ENPP1: variants seen among roughly 807,000 people sequenced by gnomAD.
The protein encoded by ENPP1 is ectonucleotide pyrophosphatase/phosphodiesterase 1, also known as ectonucleotide pyrophosphatase/phosphodiesterase family member 1.
ENPP1 carries 73 observed loss-of-function variants against 122.8 expected under a neutral mutation model. The observed-to-expected ratio is 0.59, with a 90% confidence interval of 0.49 to 0.72. ENPP1 has a LOEUF of 0.72. ENPP1 is among the 30% of genes least tolerant of loss of function. ENPP1 has a pLI of 0.00. For missense variants in ENPP1, 978 were observed against 1,128.1 expected (o/e 0.87, Z 1.91); for synonymous variants, 367 against 391.6 (o/e 0.94, Z 0.74).
chr6:131,861,477 T>G, intron 8 of ENPP1, 118 bp from the exon 9 acceptor site: 1 of 730,518 alleles, frequency 1.4e-6, no homozygotes, highest in South Asian at 1.4e-5. Flanking sequence ...CTGAAGCTTG[T>G]TGACCTTAAA....
chr6:131,823,429 T>A (rs1361328242), intron 1 of ENPP1, among the ~76,000 whole-genome samples: 1 of 152,190 alleles, frequency 6.6e-6, no homozygotes, highest in Non-Finnish European at 1.5e-5. Context: ...GCTGCTGTGA[T>A]GGCACTTTGC....
At chr6:131,827,087 C>T in intron 1 of ENPP1, 1 of 655,898 alleles carries the variant, frequency 1.5e-6, no homozygotes, top group South Asian at 1.5e-5. Context: ...CCAGGCTTAG[C>T]ACCTCCATTT....
rs752476704 is a variant in ENPP1 at position 131,847,803 on chromosome 6, A to G, written c.268A>G (p.Ile90Val). The G allele has an allele frequency of 6.2e-7, 1 of 1,612,394 alleles. No individual in the cohort carries two copies. Among genetic ancestry groups the G allele is most frequent in the Admixed American group, 1.7e-5 (1 of 60,004 alleles). The stretch of plus-strand genomic sequence containing the variant: ...ATTGTCAGTATGTGTGTTAACAACA[A>G]TACTTGGTTGTATATTTGGGTTGAA... ...LVLSVCVLTTILGCIFGLKPS... is the reference protein window; with the variant it reads ...LVLSVCVLTTVLGCIFGLKPS... The change falls in exon 2 of 25, where the codon ATA (isoleucine) becomes GTA (valine). Residue 90 changes from isoleucine (I) to valine (V), a missense_variant. This residue lies in a region of ENPP1 where 330 missense variants were observed against 328.5 expected (regional missense o/e 1.00). Coordinates refer to ENST00000647893, the MANE Select transcript of ENPP1 (RefSeq NM_006208.3).
chr6:131,820,566 T>C (rs937681551), intron 1 of ENPP1: 1 of 152,200 alleles, frequency 6.6e-6, no homozygotes, highest in Non-Finnish European at 1.5e-5. Flanking sequence ...CCAAACAAAC[T>C]CTCAAGAACT....
chr6:131,842,677 C>T (rs1052155250), intron 1 of ENPP1, among the ~76,000 whole-genome samples: 18 of 152,110 alleles, frequency 1.2e-4, no homozygotes, highest in Non-Finnish European at 1.3e-4. Flanking sequence ...CATGTTTCTA[C>T]TGAAGTCCAT....
At chr6:131,828,302 TC>T (rs1781570968) in intron 1 of ENPP1, 2 of 522,018 alleles carry the variant, frequency 3.8e-6, no homozygotes. Flanking sequence ...AGCCAGCATG[TC>T]CACATGATCA....
Position 131,858,664 on chromosome 6 carries a change from C to G in ENPP1, c.716-4C>G. ...ATAACAATGTTTATTTTTTTCCCTT[C>G]TAGAAAAATGTGGAACATATACTAA... On this transcript the variant is annotated splice_polypyrimidine_tract_variant and splice_region_variant and intron_variant, in intron 6 of 24. Coordinates refer to ENST00000647893, the MANE Select transcript of ENPP1 (RefSeq NM_006208.3). The G allele has an allele frequency of 6.3e-7, 1 of 1,588,022 alleles. No homozygotes were observed. Among genetic ancestry groups the G allele is most frequent in the Non-Finnish European group, 8.6e-7 (1 of 1,157,054 alleles).
At chr6:131,885,884 G>A (rs182150871) in intron 23 of ENPP1, among the ~76,000 whole-genome samples, 3 of 152,134 alleles carry the variant, frequency 2.0e-5, no homozygotes, top group Admixed American at 1.3e-4. Context: ...TCCTACCCAC[G>A]GCTTCACCCA....
Position 131,821,160 on chromosome 6 carries a change from A to G in ENPP1, c.240+12885A>G, listed in dbSNP as rs1255671278. ...TAAGAAATGCAGAATCTTGGGCCCCACCCCAGACCTACTAAACCAAGATCT... is the reference window on the plus strand; with the variant it reads ...TAAGAAATGCAGAATCTTGGGCCCCGCCCCAGACCTACTAAACCAAGATCT... On this transcript the variant is annotated intron_variant, in intron 1 of 24. Transcript: ENST00000647893. Among the ~76,000 whole-genome samples, 3 of 152,090 alleles carry G rather than the reference A, an allele frequency of 2.0e-5. No individual in the cohort carries two copies. The East Asian group carries it at 5.8e-4, about 29-fold the overall frequency.
At chr6:131,854,675 A>G (rs565121976) in intron 5 of ENPP1, among the ~76,000 whole-genome samples, 40 of 152,282 alleles carry the variant, frequency 2.6e-4, no homozygotes, top group African/African-American at 8.9e-4. Flanking sequence ...TCAAAATGAT[A>G]TGAATGCTTA....
chr6:131,822,989 C>A (rs894360648), intron 1 of ENPP1, among the ~76,000 whole-genome samples: 1 of 152,126 alleles, frequency 6.6e-6, no homozygotes, highest in African/African-American at 2.4e-5. Flanking sequence ...ACTCCTAAGC[C>A]GAGACTAGTT....
chr6:131,872,051 T>C lies in ENPP1; in HGVS notation c.1406-19T>C, dbSNP rs1782168917. ...TAGTATACAATCAACTATTAATTCT[T>C]ATGTTTGTTCCCCTCCAGTTAACTA... On this transcript the variant is annotated intron_variant, in intron 13 of 24. Coordinates refer to ENST00000647893, the MANE Select transcript of ENPP1 (RefSeq NM_006208.3). The C allele has an allele frequency of 6.4e-7, 1 of 1,554,122 alleles. No homozygotes were observed. The highest frequency in any genetic ancestry group is 8.9e-7 in the Non-Finnish European group (1 of 1,128,864).
rs929423333 is a variant in ENPP1, at chr6:131,868,236, T to G, written c.1273+110T>G. The G allele has an allele frequency of 3.7e-5, 29 of 774,724 alleles. No homozygotes were observed. The African/African-American group carries it at 4.3e-4, about 12-fold the overall frequency. 48.0% of individuals were successfully genotyped at this position (774,724 alleles called of 1,614,324 possible). ...TGTAGTTAATTCTTTTTTAAAAATG[T>G]AGTTTCTTATGGACAGTCTTTAGGA... On this transcript the variant is annotated intron_variant, in intron 12 of 24. Transcript: ENST00000647893.
chr6:131,890,169 G>A (rs947880176), intron 24 of ENPP1, among the ~76,000 whole-genome samples, 172 bp from the exon 25 acceptor site: 1 of 152,130 alleles, frequency 6.6e-6, no homozygotes, highest in Admixed American at 6.5e-5. Context: ...TGCATGGTAT[G>A]TATTAGAAGG....
chr6:131,881,563 C>T (rs186489810), intron 20 of ENPP1, among the ~76,000 whole-genome samples: 5 of 152,114 alleles, frequency 3.3e-5, no homozygotes, highest in Admixed American at 6.6e-5. Context: ...AGACTCAGAT[C>T]TCTAAAAATC....
chr6:131,858,678 A>G lies in ENPP1; in HGVS notation c.726A>G (p.Gly242=). The change falls in exon 7 of 25, where the codon GGA becomes GGG. Residue 242 remains glycine (G), a synonymous_variant. Coordinates refer to ENST00000647893, the MANE Select transcript of ENPP1 (RefSeq NM_006208.3). ...LPVISKLKKC[G]TYTKNMRPVY... ...TTTTTTCCCTTCTAGAAAAATGTGGAACATATACTAAAAACATGAGACCGG... is the reference window on the plus strand; with the variant it reads ...TTTTTTCCCTTCTAGAAAAATGTGGGACATATACTAAAAACATGAGACCGG... The G allele has an allele frequency of 6.2e-7, 1 of 1,604,640 alleles. No individual in the cohort carries two copies. Among genetic ancestry groups the G allele is most frequent in the Non-Finnish European group, 8.5e-7 (1 of 1,171,630 alleles).
chr6:131,844,706 T>A (rs1781783923), intron 1 of ENPP1, among the ~76,000 whole-genome samples: 1 of 152,112 alleles, frequency 6.6e-6, no homozygotes, highest in African/African-American at 2.4e-5. Context: ...TGCAATAGAC[T>A]CCAGATATGA....
rs551761795 is a variant in ENPP1, at chr6:131,889,540, A to G, written c.2608-801A>G. ...AGGATAATGGCCTCCAGCTCCATCCATGTCCCTGCACAGGACATGATCTTT... is the reference window on the plus strand; with the variant it reads ...AGGATAATGGCCTCCAGCTCCATCCGTGTCCCTGCACAGGACATGATCTTT... On this transcript the variant is annotated intron_variant, in intron 24 of 24. Coordinates refer to ENST00000647893, the MANE Select transcript of ENPP1 (RefSeq NM_006208.3). Among the ~76,000 whole-genome samples the G allele has an allele frequency of 3.9e-5, 6 of 152,304 alleles. No individual in the cohort carries two copies. The East Asian group carries it at 1.2e-3, about 29-fold the overall frequency.
chr6:131,819,533 C>G (rs960324695), intron 1 of ENPP1, among the ~76,000 whole-genome samples: 1 of 152,206 alleles, frequency 6.6e-6, no homozygotes, highest in East Asian at 1.9e-4. Flanking sequence ...CCTAAAAATA[C>G]TTACTTATTG....
Sources: gnomAD v4.1 joint callset for allele counts (sites outside exome capture counted in the v4.1 genomes callset) on GRCh38, gnomAD v4.1.1 for gene constraint, gnomAD v4.1.1 regional missense constraint, MANE v1.5 for transcripts, NCBI Gene and HGNC (gene_info 2026-07-23, HGNC 2026-07-21) for gene names.